LINGO2: variants seen among roughly 807,000 people sequenced by gnomAD.
LINGO2 encodes leucine rich repeat and Ig domain containing 2, also known as leucine-rich repeat and immunoglobulin-like domain-containing nogo receptor-interacting protein 2.
LINGO2 carries 14 observed loss-of-function variants against 30.6 expected under a neutral mutation model. The ratio of observed to expected loss-of-function variants is 0.46; its 90% confidence interval spans 0.30 to 0.72. The LOEUF is 0.72. Among genes scored for constraint, LINGO2 ranks in the 30% least tolerant of loss-of-function variants. The probability of loss-of-function intolerance (pLI) is 0.07; values close to 1 mark genes in which losing one functional copy is unlikely to be tolerated. For synonymous variants in LINGO2, 317 were observed against 288.5 expected, an observed-to-expected ratio of 1.10 and a Z score of -1.00; for missense variants, 729 against 751.7, an observed-to-expected ratio of 0.97 and a Z score of 0.35.
chr9:28,070,635 G>A (rs1307545471), intron 4 of LINGO2, among the ~76,000 whole-genome samples: 1 of 152,012 alleles, frequency 6.6e-6, no homozygotes, highest in African/African-American at 2.4e-5. Flanking sequence ...AAATTACTGT[G>A]GCAAATCTTA....
the LINGO2 span, among the ~76,000 whole-genome samples, chr9:28,988,612 G>A: frequency 2.2e-4 from 34 of 152,086 alleles, no homozygotes; most frequent in African/African-American, 7.5e-4. Flanking sequence ...ATTACCCCAG[G>A]TGATCTAGCC....
intron 4 of LINGO2, among the ~76,000 whole-genome samples, chr9:28,017,372 G>C (rs1822891688): frequency 6.6e-6 from 1 of 152,042 alleles, no homozygotes; most frequent in African/African-American, 2.4e-5. Flanking sequence ...TAACAGGCAT[G>C]CAAATAGGAA....
chr9:28,993,128 TAAA>T, the LINGO2 span, among the ~76,000 whole-genome samples: 18 of 151,464 alleles, frequency 1.2e-4, no homozygotes, highest in African/African-American at 3.9e-4. Context: ...GCAAGACTAA[TAAA>T]GAAGAAAAGA....
intron 4 of LINGO2, among the ~76,000 whole-genome samples, chr9:28,195,361 T>C (rs1819973169): frequency 7.8e-6 from 1 of 128,664 alleles, no homozygotes; most frequent in African/African-American, 2.8e-5. Flanking sequence ...TTCAAGAAAG[T>C]TGCCTTTAAA....
intron 1 of LINGO2, among the ~76,000 whole-genome samples, chr9:28,637,175 G>A (rs1212200597): frequency 6.6e-6 from 1 of 152,032 alleles, no homozygotes; most frequent in Non-Finnish European, 1.5e-5. Flanking sequence ...TGTTCCATTG[G>A]TCTATATCTC....
chr9:29,201,053 G>A, the LINGO2 span, among the ~76,000 whole-genome samples: 1 of 151,942 alleles, frequency 6.6e-6, no homozygotes, highest in South Asian at 2.1e-4. Flanking sequence ...ACTTGGTTGA[G>A]GTCATGTTTG....
Position 28,357,316 on chromosome 9 carries a change from C to CG in LINGO2, c.-246+15519_-246+15520insC, listed in dbSNP as rs1491395875. 3.4e-3 allele frequency among the ~76,000 whole-genome samples: 99 copies of CG among 28,726 alleles called. 1 individual carries two copies. Among genetic ancestry groups the CG allele is most frequent in the African/African-American group, 0.023 (98 of 4,236 alleles). The allele number at this position is 28,726 out of a possible 152,430, so 18.8% of individuals were successfully genotyped here. A position where few individuals can be genotyped will look rare whatever the true frequency, so the allele number is the denominator to read the frequency against. ...AAGTCTTTCAGATACAGAAATAAAG[C>CG]CCACCCCCCCCAAAAAAGAAAGCAC... On this transcript the variant is annotated intron_variant, in intron 3 of 5. Transcript: ENST00000379992.
At chr9:28,868,643 C>G in the LINGO2 span, among the ~76,000 whole-genome samples, 1 of 152,064 alleles carries the variant, frequency 6.6e-6, no homozygotes, top group African/African-American at 2.4e-5. Context: ...AATGAGAGAA[C>G]AGAAAACAAA....
intron 2 of LINGO2, among the ~76,000 whole-genome samples, chr9:28,379,857 T>C (rs1587577287): frequency 6.6e-6 from 1 of 152,162 alleles, no homozygotes; most frequent in East Asian, 1.9e-4. Context: ...ATGGCAGAAG[T>C]TGCATTCAAG....
At chr9:29,177,086 A>T in the LINGO2 span, among the ~76,000 whole-genome samples, 5 of 152,340 alleles carry the variant, frequency 3.3e-5, no homozygotes, top group African/African-American at 1.2e-4. Flanking sequence ...GCATTAAAGT[A>T]TAGGTCAGCA....
the LINGO2 span, among the ~76,000 whole-genome samples, chr9:28,939,180 A>AGGCTATTTAAG: frequency 6.6e-6 from 1 of 151,148 alleles, no homozygotes; most frequent in African/African-American, 2.4e-5. Context: ...AGGCTACTTA[A>AGGCTATTTAAG]GCTACTTAAG....
intron 2 of LINGO2, among the ~76,000 whole-genome samples, chr9:28,423,019 G>T (rs976350147): frequency 1.3e-5 from 2 of 152,020 alleles, no homozygotes; most frequent in Non-Finnish European, 2.9e-5. Context: ...CAGGGGCTGG[G>T]AGGAAGGAGG....
intron 1 of LINGO2, among the ~76,000 whole-genome samples, chr9:28,573,215 G>T (rs1823792014): frequency 6.6e-6 from 1 of 152,140 alleles, no homozygotes; most frequent in Admixed American, 6.6e-5. Flanking sequence ...TAAGTAAAGA[G>T]AAGGTTTCAG....
At chr9:28,602,073 G>A (rs1295114087) in intron 1 of LINGO2, among the ~76,000 whole-genome samples, 1 of 152,006 alleles carries the variant, frequency 6.6e-6, no homozygotes, top group Non-Finnish European at 1.5e-5. Flanking sequence ...CAAGGGAGTG[G>A]GGAGGCACAA....
At chr9:28,415,943 T>A (rs1166266803) in intron 2 of LINGO2, among the ~76,000 whole-genome samples, 1 of 152,172 alleles carries the variant, frequency 6.6e-6, no homozygotes, top group Non-Finnish European at 1.5e-5. Flanking sequence ...CAACAAGTGT[T>A]TAACACTATT....
chr9:28,848,379 G>A, the LINGO2 span, among the ~76,000 whole-genome samples: 1 of 52,640 alleles, frequency 1.9e-5, no homozygotes, highest in African/African-American at 5.6e-5. Context: ...GTGTGTGTGT[G>A]TGTGTGTGTG....
rs150849500 is a variant in LINGO2, at chr9:28,271,718, G to A, written c.-87+23490C>T. Among the ~76,000 whole-genome samples, 430 of 152,238 alleles carry A rather than the reference G, an allele frequency of 2.8e-3. 3 individuals carry two copies. The highest frequency in any genetic ancestry group is 9.9e-3 in the African/African-American group (411 of 41,550). On this transcript the variant is annotated intron_variant, in intron 4 of 5. Coordinates refer to ENST00000379992, the Ensembl canonical transcript of LINGO2. ...TGAATGGTGAAGAAGGAAGTCAAAC[G>A]TGGCTGTACCCACTGCGATGCCTTA... is the stretch of plus-strand genomic sequence containing the variant.
intron 1 of LINGO2, among the ~76,000 whole-genome samples, chr9:28,509,358 G>A (rs1820277866): frequency 6.6e-6 from 1 of 152,158 alleles, no homozygotes; most frequent in African/African-American, 2.4e-5. Flanking sequence ...TCCTATGACA[G>A]TGATTCCTGT....
the LINGO2 span, among the ~76,000 whole-genome samples, chr9:28,846,925 G>GA: frequency 6.5e-4 from 91 of 139,404 alleles, 4 homozygotes; most frequent in African/African-American, 2.1e-3. Flanking sequence ...AAGAGTGAAG[G>GA]AAAAAAAAAA....
Sources: gnomAD v4.1 joint callset for allele counts (sites outside exome capture counted in the v4.1 genomes callset) on GRCh38, gnomAD v4.1.1 for gene constraint, MANE v1.5 for transcripts, NCBI Gene and HGNC (gene_info 2026-07-23, HGNC 2026-07-21) for gene names.